PDZD2: variants seen among roughly 807,000 people sequenced by gnomAD.
PDZD2 encodes the protein PDZ domain containing 2.
In PDZD2, 90 loss-of-function variants were observed where a neutral mutation model predicts 220.7. The ratio of observed to expected loss-of-function variants is 0.41; its 90% CI spans 0.34 to 0.49. PDZD2 has a LOEUF of 0.49. PDZD2 is among the 20% of genes least tolerant of loss of function. The pLI is 0.28. For missense variants in PDZD2, 3,174 were observed against 3,608.5 expected, an observed-to-expected ratio of 0.88 and a Z score of 3.08; for synonymous variants, 1,375 against 1,450.5, an observed-to-expected ratio of 0.95 and a Z score of 1.18.
chr5:31,745,736 C>T (rs908539401), intron 1 of PDZD2, among the ~76,000 whole-genome samples: 2 of 151,566 alleles, frequency 1.3e-5, no homozygotes, highest in African/African-American at 2.4e-5. Context: ...TAGGTCACTG[C>T]GTCCTATCTT....
intron 2 of PDZD2, among the ~76,000 whole-genome samples, chr5:31,945,904 G>C (rs1307587049): frequency 1.3e-5 from 2 of 152,136 alleles, no homozygotes; most frequent in African/African-American, 4.8e-5. Context: ...TAAACTCTCT[G>C]TAGCCCCAAG....
rs1448415782 is a variant in PDZD2 at position 31,869,573 on chromosome 5, A to G, written c.476+69849A>G. Among the ~76,000 whole-genome samples, 5 of 152,256 alleles carry G rather than the reference A, an allele frequency of 3.3e-5. No homozygotes were observed. In the East Asian group the frequency reaches 9.7e-4, roughly 29 times the overall value. ...AGCGAGACTCTGTCTCAAAAGAAAA[A>G]AAAAACAAAAGAAAAAAGAAATGTA... On this transcript the variant is annotated intron_variant, in intron 2 of 24. Coordinates refer to ENST00000438447, the MANE Select transcript of PDZD2 (RefSeq NM_178140.4).
intron 1 of PDZD2, among the ~76,000 whole-genome samples, chr5:31,659,935 T>A (rs1034039777): frequency 1.3e-5 from 2 of 152,226 alleles, no homozygotes; most frequent in African/African-American, 4.8e-5. Context: ...GCATACTTTG[T>A]CGACATCATT....
chr5:31,844,827 T>G (rs1757502495), intron 2 of PDZD2, among the ~76,000 whole-genome samples: 1 of 152,080 alleles, frequency 6.6e-6, no homozygotes, highest in South Asian at 2.1e-4. Flanking sequence ...GGGCTGGGTG[T>G]GGGCCCCGCC....
chr5:32,086,215 G>A (rs192915507), intron 19 of PDZD2, among the ~76,000 whole-genome samples: 1 of 152,304 alleles, frequency 6.6e-6, no homozygotes, highest in African/African-American at 2.4e-5. Flanking sequence ...CACTTGGACT[G>A]TTTTACACTG....
At chr5:31,820,999 C>A (rs114683085) in intron 2 of PDZD2, among the ~76,000 whole-genome samples, 2,072 of 151,984 alleles carry the variant, frequency 0.014, 23 homozygotes, top group Middle Eastern at 0.071. Flanking sequence ...GGGCCCTCAT[C>A]TGCAGCACTG....
chr5:31,800,843 A>G (rs983875020), intron 2 of PDZD2, among the ~76,000 whole-genome samples: 1 of 152,198 alleles, frequency 6.6e-6, no homozygotes, highest in Non-Finnish European at 1.5e-5. Flanking sequence ...GAAGGAGAGA[A>G]TCATGGAGAG....
chr5:31,828,058 T>C (rs1485269993), intron 2 of PDZD2, among the ~76,000 whole-genome samples: 1 of 152,250 alleles, frequency 6.6e-6, no homozygotes, highest in East Asian at 1.9e-4. Flanking sequence ...CCAAATAGTA[T>C]TCCATATGTT....
At chr5:31,885,596 A>AT (rs565752828) in intron 2 of PDZD2, among the ~76,000 whole-genome samples, 4 of 152,176 alleles carry the variant, frequency 2.6e-5, no homozygotes, top group African/African-American at 7.2e-5. Context: ...AAGGAAGTGC[A>AT]TTTTTTTATA....
intron 1 of PDZD2, among the ~76,000 whole-genome samples, chr5:31,670,769 G>T (rs575132247): frequency 6.6e-6 from 1 of 152,214 alleles, no homozygotes; most frequent in Non-Finnish European, 1.5e-5. Flanking sequence ...TTTGGGGTAG[G>T]AAGTTTGCTT....
At chr5:32,064,504 A>G (rs1184314483) in intron 14 of PDZD2, among the ~76,000 whole-genome samples, 1 of 151,936 alleles carries the variant, frequency 6.6e-6, no homozygotes, top group East Asian at 1.9e-4. Context: ...TGGCCTCCCA[A>G]AGTGCTGGGA....
intron 2 of PDZD2, among the ~76,000 whole-genome samples, chr5:31,951,954 A>T (rs2111618510): frequency 6.6e-6 from 1 of 152,296 alleles, no homozygotes; most frequent in Admixed American, 6.5e-5. Context: ...TTTTTGTCTT[A>T]GATTTTTGTC....
intron 2 of PDZD2, among the ~76,000 whole-genome samples, chr5:31,834,906 A>G (rs571236699): frequency 7.0e-6 from 1 of 143,374 alleles, no homozygotes; most frequent in South Asian, 2.2e-4. Context: ...ATTTGTATAT[A>G]TATAACTAGA....
At chr5:31,822,359 G>A (rs936212059) in intron 2 of PDZD2, among the ~76,000 whole-genome samples, 5 of 143,828 alleles carry the variant, frequency 3.5e-5, no homozygotes, top group South Asian at 2.2e-4. Context: ...TCACTGCAAC[G>A]TCTTGTGCTC....
At chr5:31,805,976 G>A (rs1754691039) in intron 2 of PDZD2, among the ~76,000 whole-genome samples, 1 of 152,156 alleles carries the variant, frequency 6.6e-6, no homozygotes. Context: ...CAAACTAGGG[G>A]AGCTTGGCTC....
chr5:31,887,831 G>A (rs575955404), intron 2 of PDZD2, among the ~76,000 whole-genome samples: 50 of 148,016 alleles, frequency 3.4e-4, no homozygotes, highest in African/African-American at 1.2e-3. Flanking sequence ...GGGGAGGGGG[G>A]GAACAGCACT....
At chr5:31,861,686 C>CTAG (rs1737719524) in intron 2 of PDZD2, among the ~76,000 whole-genome samples, 1 of 152,130 alleles carries the variant, frequency 6.6e-6, no homozygotes, top group Admixed American at 6.5e-5. Context: ...AAGCCAAGCA[C>CTAG]TAGTTTTCAC....
chr5:31,862,098 TGGG>T (rs1324143408), intron 2 of PDZD2, among the ~76,000 whole-genome samples: 1 of 118,850 alleles, frequency 8.4e-6, no homozygotes, highest in African/African-American at 3.4e-5. Flanking sequence ...GTTTTTTTTT[TGGG>T]TTTTTTTTTT....
chr5:31,674,624 T>C (rs1466885242), intron 1 of PDZD2, among the ~76,000 whole-genome samples: 1 of 152,150 alleles, frequency 6.6e-6, no homozygotes, highest in Non-Finnish European at 1.5e-5. Flanking sequence ...GAGGACAAGA[T>C]AGAATTTTGT....
Sources: gnomAD v4.1 joint callset for allele counts (sites outside exome capture counted in the v4.1 genomes callset) on GRCh38, gnomAD v4.1.1 for gene constraint, MANE v1.5 for transcripts, NCBI Gene and HGNC (gene_info 2026-07-23, HGNC 2026-07-21) for gene names.